Variants in DLGAP1 observed in about 807,000 individuals in gnomAD.
The protein encoded by DLGAP1 is disks large-associated protein 1.
DLGAP1 carries 11 observed loss-of-function variants against 90.8 expected under a neutral mutation model. The observed-to-expected ratio is 0.12, with a 90% CI of 0.08 to 0.20. The LOEUF (loss-of-function observed/expected upper bound fraction) is 0.20, where lower values mean the gene tolerates loss of function less well. Among genes scored for constraint, DLGAP1 ranks in the 10% least tolerant of loss-of-function variants. DLGAP1 has a pLI of 1.00. For synonymous variants in DLGAP1, 558 were observed against 540.7 expected (o/e 1.03, Z -0.44); for missense variants, 1,050 against 1,333.8 (o/e 0.79, Z 3.31).
chr18:3,933,382 A>G (rs561855837), intron 3 of DLGAP1, among the ~76,000 whole-genome samples: 15 of 152,368 alleles, frequency 9.8e-5, no homozygotes, highest in African/African-American at 3.6e-4. Context: ...CTATTTTCTC[A>G]TATGTGAACT....
At chr18:4,304,734 C>A (rs1278321237) in intron 1 of DLGAP1, among the ~76,000 whole-genome samples, 2 of 152,134 alleles carry the variant, frequency 1.3e-5, no homozygotes, top group East Asian at 3.9e-4. Context: ...AGTTCGAGAC[C>A]AGCCTGGCCA....
At chr18:4,394,060 A>C (rs1286113460) in intron 1 of DLGAP1, among the ~76,000 whole-genome samples, 2 of 152,210 alleles carry the variant, frequency 1.3e-5, no homozygotes, top group African/African-American at 4.8e-5. Flanking sequence ...TAGAACAACT[A>C]ATACGTAGAA....
At chr18:3,549,279 G>A (rs1253134521) in intron 9 of DLGAP1, among the ~76,000 whole-genome samples, 1 of 151,194 alleles carries the variant, frequency 6.6e-6, no homozygotes, top group African/African-American at 2.4e-5. Flanking sequence ...TAGGAATGCT[G>A]AAGATTTAGA....
At chr18:3,667,990 G>C (rs2146694160) in intron 7 of DLGAP1, among the ~76,000 whole-genome samples, 1 of 152,326 alleles carries the variant, frequency 6.6e-6, no homozygotes, top group East Asian at 1.9e-4. Context: ...TGCAACCAGA[G>C]AAAGTTGACT....
chr18:4,434,002 T>C (rs1192066428), intron 1 of DLGAP1, among the ~76,000 whole-genome samples: 1 of 152,056 alleles, frequency 6.6e-6, no homozygotes, highest in East Asian at 1.9e-4. Context: ...GTAATCCAAA[T>C]AGCTCAGCCC....
At chr18:4,368,103 A>C (rs1321254777) in intron 1 of DLGAP1, among the ~76,000 whole-genome samples, 1 of 152,170 alleles carries the variant, frequency 6.6e-6, no homozygotes, top group Non-Finnish European at 1.5e-5. Flanking sequence ...AGGAAAAAAA[A>C]CAATTTAAAT....
intron 9 of DLGAP1, among the ~76,000 whole-genome samples, chr18:3,537,669 T>A (rs2052454326): frequency 6.6e-6 from 1 of 152,236 alleles, no homozygotes; most frequent in Admixed American, 6.5e-5. Context: ...CTGTTTTTAA[T>A]TTTTTGAGGA....
rs541509693 is a variant in DLGAP1 at position 3,616,278 on chromosome 18, G to A, written c.1592-34030C>T. ...TTTTCTGTTAAAAGCCATCCAGCACGTATTTTAGGATGTGTGGATCATTCG... is the reference window on the plus strand; with the variant it reads ...TTTTCTGTTAAAAGCCATCCAGCACATATTTTAGGATGTGTGGATCATTCG... On this transcript the variant is annotated intron_variant, in intron 7 of 12. Coordinates refer to ENST00000315677, the MANE Select transcript of DLGAP1 (RefSeq NM_004746.4). 3.9e-5 allele frequency among the ~76,000 whole-genome samples: 6 copies of A among 152,286 alleles called. No homozygotes were observed. The South Asian group carries it at 6.2e-4, about 16-fold the overall frequency.
intron 2 of DLGAP1, among the ~76,000 whole-genome samples, chr18:4,067,666 A>G (rs1302829158): frequency 2.0e-5 from 3 of 152,136 alleles, no homozygotes; most frequent in Non-Finnish European, 4.4e-5. Context: ...CTTCACCTGC[A>G]TAACACAACC....
intron 9 of DLGAP1, among the ~76,000 whole-genome samples, chr18:3,561,420 A>AGCAAGAC (rs1157056022): frequency 7.3e-6 from 1 of 137,298 alleles, no homozygotes; most frequent in Non-Finnish European, 1.5e-5. Flanking sequence ...TGGGCGACAG[A>AGCAAGAC]GCAAGACTCC....
Position 3,879,640 on chromosome 18 carries a change from G to A in DLGAP1, c.429C>T (p.His143=). 1 of 1,605,228 alleles carries A rather than the reference G, an allele frequency of 6.2e-7. No homozygotes were observed. The highest frequency in any genetic ancestry group is 8.5e-7 in the Non-Finnish European group (1 of 1,179,228). Residue 143 remains histidine, a synonymous_variant, in exon 4 of 13, where the codon CAC becomes CAT. Transcript: ENST00000315677. This position sits in a 1 kb window ranked among gnomAD's most constrained non-coding sequence, Gnocchi z 6.6. The part of the protein sequence containing the change: ...DSPGRIRHLV[H]SVQKLFTKSH... ...ACTTGGTGAAGAGCTTCTGGACCGA[G>A]TGCACCAGGTGGCGGATGCGGCCGG...
chr18:3,583,955 T>C (rs1439692380), intron 7 of DLGAP1, among the ~76,000 whole-genome samples: 3 of 151,682 alleles, frequency 2.0e-5, no homozygotes, highest in African/African-American at 4.8e-5. Flanking sequence ...CTAAAAAAAA[T>C]GGTGGGGGCC....
Position 3,668,295 on chromosome 18 carries a change from C to T in DLGAP1, c.1591+60840G>A, listed in dbSNP as rs896824646. 2.0e-5 allele frequency among the ~76,000 whole-genome samples: 3 copies of T among 152,142 alleles called. No individual in the cohort carries two copies. The East Asian group carries it at 5.8e-4, about 29-fold the overall frequency. Reference sequence around the variant, plus strand: ...GAGGGTAAAGGAACAGTTTTTCCTTCCTTCGTTTCTTCTTTCCTTCCTTCC... The same window carrying T: ...GAGGGTAAAGGAACAGTTTTTCCTTTCTTCGTTTCTTCTTTCCTTCCTTCC... On this transcript the variant is annotated intron_variant, in intron 7 of 12. Coordinates refer to ENST00000315677, the MANE Select transcript of DLGAP1 (RefSeq NM_004746.4).
At chr18:4,029,178 A>T (rs929204365) in intron 2 of DLGAP1, among the ~76,000 whole-genome samples, 1 of 152,174 alleles carries the variant, frequency 6.6e-6, no homozygotes, top group African/African-American at 2.4e-5. Flanking sequence ...GTTGCAAATG[A>T]CAAGATTTTC....
chr18:4,192,125 T>TA (rs1174924778), intron 1 of DLGAP1, among the ~76,000 whole-genome samples: 1 of 152,102 alleles, frequency 6.6e-6, no homozygotes, highest in Non-Finnish European at 1.5e-5. Context: ...CTCCTGATCA[T>TA]AAAAAACGCC....
chr18:3,849,965 A>G (rs2069240469), intron 4 of DLGAP1, among the ~76,000 whole-genome samples: 4 of 152,212 alleles, frequency 2.6e-5, no homozygotes, highest in South Asian at 4.1e-4. Flanking sequence ...TCTTGTTTAT[A>G]AATCTGACCT....
intron 5 of DLGAP1, among the ~76,000 whole-genome samples, chr18:3,800,689 T>C (rs2066247750): frequency 6.6e-6 from 1 of 152,102 alleles, no homozygotes; most frequent in South Asian, 2.1e-4. Context: ...TATTAAAATA[T>C]TTCTTGGTGG....
chr18:4,138,216 C>T (rs1179479328), intron 2 of DLGAP1, among the ~76,000 whole-genome samples: 3 of 152,050 alleles, frequency 2.0e-5, no homozygotes, highest in African/African-American at 4.8e-5. Flanking sequence ...TTTCCTTTTT[C>T]CTCATTCAGT....
In DLGAP1 at chr18:3,534,418, G is replaced by T. The variant is rs1376892884; in HGVS notation, c.2255C>A (p.Ala752Asp). Reference sequence around the variant, plus strand: ...ATCCGTGTCAAAGTCATCATCGGCGGCACAGGCATGGTAATGGTTTCCTGA... The same window carrying T: ...ATCCGTGTCAAAGTCATCATCGGCGTCACAGGCATGGTAATGGTTTCCTGA... ...QGSGNHYHAC[A>D]ADDDFDTDFD... Residue 752 changes from alanine to aspartate, a missense_variant, in exon 10 of 13, where the codon GCC becomes GAC. By Grantham distance (126) the Ala-to-Asp change is moderately radical (BLOSUM62 -2). Around this residue, in one of 2 missense-constraint regions of DLGAP1, gnomAD observed 565 missense variants for 879.7 expected, o/e 0.64. Transcript: ENST00000315677. 4 of 1,614,074 alleles carry T rather than the reference G, an allele frequency of 2.5e-6. No individual in the cohort carries two copies. In the East Asian group the frequency reaches 6.7e-5, roughly 27 times the overall value.
Sources: gnomAD v4.1 joint callset for allele counts (sites outside exome capture counted in the v4.1 genomes callset) on GRCh38, gnomAD v4.1.1 for gene constraint, gnomAD v4.1.1 regional missense constraint, Gnocchi (gnomAD v3.1) non-coding constraint, MANE v1.5 for transcripts, NCBI Gene and HGNC (gene_info 2026-07-23, HGNC 2026-07-21) for gene names.